The following ADGRV1 variants were observed in gnomAD, a reference collection of about 807,000 sequenced individuals.
ADGRV1 encodes the protein G-protein coupled receptor 98.
Under a neutral mutation model 596.2 loss-of-function variants are expected in ADGRV1, and 359 were observed. The ratio of observed to expected loss-of-function variants is 0.60; its 90% CI spans 0.55 to 0.66. ADGRV1 has a LOEUF of 0.66. Ranked by LOEUF, ADGRV1 falls within the 30% of genes least tolerant of loss-of-function variation. The probability of loss-of-function intolerance (pLI) is 0.00; values close to 1 mark genes in which losing one functional copy is unlikely to be tolerated. For missense variants in ADGRV1, 7,274 were observed against 7,575.6 expected (o/e 0.96, Z 1.48); for synonymous variants, 2,681 against 2,679.2 (o/e 1.00, Z -0.02).
At chr5:90,621,575 A>T (rs1401337401) in intron 4 of ADGRV1, among the ~76,000 whole-genome samples, 1 of 152,032 alleles carries the variant, frequency 6.6e-6, no homozygotes, top group Non-Finnish European at 1.5e-5. Flanking sequence ...TCTGTGTATC[A>T]CCTCCGACCT....
At chr5:90,599,629 T>C (rs1761153621) in intron 1 of ADGRV1, among the ~76,000 whole-genome samples, 1 of 152,218 alleles carries the variant, frequency 6.6e-6, no homozygotes, top group East Asian at 1.9e-4. Flanking sequence ...TTTTTATTTA[T>C]AAACTTCTGT....
chr5:91,072,059 G>C (rs1376837168), intron 85 of ADGRV1, among the ~76,000 whole-genome samples: 1 of 152,084 alleles, frequency 6.6e-6, no homozygotes, highest in Non-Finnish European at 1.5e-5. Context: ...TTAAGATGTG[G>C]TGCTGGATTT....
intron 87 of ADGRV1, among the ~76,000 whole-genome samples, chr5:91,148,592 T>C (rs1795753245): frequency 6.6e-6 from 1 of 152,140 alleles, no homozygotes; most frequent in East Asian, 1.9e-4. Context: ...TCTGCAGGGG[T>C]GGAGCCCTCA....
intron 63 of ADGRV1, 95 bp downstream of exon 63, chr5:90,778,704 T>C: frequency 1.8e-6 from 2 of 1,129,158 alleles, no homozygotes; most frequent in Non-Finnish European, 2.4e-6. Context: ...ATAAACTGAT[T>C]AATTTGCTCC....
chr5:90,621,468 A>G (rs1423086956), intron 4 of ADGRV1, among the ~76,000 whole-genome samples: 1 of 152,202 alleles, frequency 6.6e-6, no homozygotes, highest in Non-Finnish European at 1.5e-5. Context: ...TTTTATTTGA[A>G]TGATAAGGAA....
intron 4 of ADGRV1, among the ~76,000 whole-genome samples, chr5:90,621,908 T>C (rs1027034764): frequency 2.6e-5 from 4 of 152,140 alleles, no homozygotes; most frequent in African/African-American, 9.7e-5. Flanking sequence ...TGATGTGAAC[T>C]ATCGCATTGA....
At chr5:90,656,740 T>TTGTAC (rs1167219034) in intron 20 of ADGRV1, among the ~76,000 whole-genome samples, 1 of 152,212 alleles carries the variant, frequency 6.6e-6, no homozygotes, top group Non-Finnish European at 1.5e-5. Context: ...GAAATATTGC[T>TTGTAC]TGTACTTTTT....
intron 82 of ADGRV1, among the ~76,000 whole-genome samples, chr5:90,862,031 C>T (rs1371768859): frequency 6.6e-6 from 1 of 152,140 alleles, no homozygotes; most frequent in African/African-American, 2.4e-5. Flanking sequence ...CCTGAACTGC[C>T]ACCAGGTGTC....
At chr5:91,056,167 A>G (rs533722179) in intron 85 of ADGRV1, among the ~76,000 whole-genome samples, 2 of 152,316 alleles carry the variant, frequency 1.3e-5, no homozygotes, top group South Asian at 2.1e-4. Context: ...GCATTGTTGT[A>G]GAGAAGAATT....
At chr5:90,784,551 G>A (rs1412174461) in intron 67 of ADGRV1, among the ~76,000 whole-genome samples, 2 of 152,142 alleles carry the variant, frequency 1.3e-5, no homozygotes, top group Non-Finnish European at 2.9e-5. Flanking sequence ...AGATGCATTA[G>A]GAGAAAGAGG....
intron 30 of ADGRV1, 140 bp downstream of exon 30, chr5:90,690,216 G>T (rs1016409735): frequency 6.7e-6 from 4 of 601,040 alleles, no homozygotes; most frequent in South Asian, 2.2e-5. Context: ...TAGGACATCT[G>T]TACACAGTTA....
chr5:91,010,776 C>T (rs1782658749), intron 85 of ADGRV1, among the ~76,000 whole-genome samples: 1 of 150,498 alleles, frequency 6.6e-6, no homozygotes, highest in African/African-American at 2.4e-5. Context: ...TGAAAATATT[C>T]TGAAATTTTT....
At chr5:90,848,110 ATACT>A (rs1278938412) in intron 78 of ADGRV1, among the ~76,000 whole-genome samples, 1 of 152,178 alleles carries the variant, frequency 6.6e-6, no homozygotes, top group Admixed American at 6.5e-5. Flanking sequence ...AGGAAGGGTC[ATACT>A]TACTGAAAAA....
chr5:90,701,735 G>A (rs780409948), intron 34 of ADGRV1, among the ~76,000 whole-genome samples: 1 of 151,846 alleles, frequency 6.6e-6, no homozygotes, highest in Non-Finnish European at 1.5e-5. Context: ...GTTTTTACAT[G>A]TAGTAAGTTT....
chr5:90,738,926 T>C (rs1753601675), intron 50 of ADGRV1, among the ~76,000 whole-genome samples: 1 of 152,196 alleles, frequency 6.6e-6, no homozygotes, highest in Admixed American at 6.5e-5. Context: ...TCCTGTTATG[T>C]ACAGCTTAGT....
In ADGRV1 at chr5:90,713,614, G is replaced by A. The variant is rs1275259119; in HGVS notation, c.9184+1186G>A. Among the ~76,000 whole-genome samples, 7 of 152,270 alleles carry A rather than the reference G, an allele frequency of 4.6e-5. No individual in the cohort carries two copies. In the East Asian group the frequency reaches 9.6e-4, roughly 21 times the overall value. On this transcript the variant is annotated intron_variant, in intron 42 of 89. Coordinates refer to ENST00000405460, the MANE Select transcript of ADGRV1 (RefSeq NM_032119.4). ...AGGACTTAATGCTGCCAGAGATCCT[G>A]AGGTTTTCTGTCTCTTTTCTTTGCC...
intron 87 of ADGRV1, among the ~76,000 whole-genome samples, chr5:91,148,029 C>T (rs1042805091): frequency 5.9e-5 from 9 of 152,112 alleles, no homozygotes; most frequent in Admixed American, 6.6e-5. Flanking sequence ...CATTTTACCC[C>T]CTCCCTAGAA....
At chr5:90,674,974 T>A (rs1159660182) in intron 23 of ADGRV1, among the ~76,000 whole-genome samples, 1 of 152,206 alleles carries the variant, frequency 6.6e-6, no homozygotes, top group Non-Finnish European at 1.5e-5. Context: ...GTATCAGTAT[T>A]CCTGCTATTG....
chr5:91,108,479 G>A (rs1006728537), intron 87 of ADGRV1, among the ~76,000 whole-genome samples: 1 of 152,016 alleles, frequency 6.6e-6, no homozygotes, highest in Non-Finnish European at 1.5e-5. Context: ...ATGATTGAAA[G>A]GGATGGTATT....
Sources: gnomAD v4.1 joint callset for allele counts (sites outside exome capture counted in the v4.1 genomes callset) on GRCh38, gnomAD v4.1.1 for gene constraint, MANE v1.5 for transcripts, NCBI Gene and HGNC (gene_info 2026-07-23, HGNC 2026-07-21) for gene names.